Variants in ESF1 observed in about 807,000 individuals in gnomAD.
The protein encoded by ESF1 is ESF1 homolog.
In ESF1, 58 loss-of-function variants were observed where a neutral mutation model predicts 92.0. The ratio of observed to expected loss-of-function variants is 0.63; its 90% CI spans 0.51 to 0.78. The LOEUF is 0.78. Among genes scored for constraint, ESF1 ranks in the 30% least tolerant of loss-of-function variants. The pLI, the probability that ESF1 is intolerant of heterozygous loss-of-function variation, is 0.00. For synonymous variants in ESF1, 321 were observed against 313.7 expected (o/e 1.02, Z -0.24); for missense variants, 922 against 989.1 (o/e 0.93, Z 0.91).
chr20:13,782,953 C>G lies in ESF1; in HGVS notation c.188G>C (p.Ser63Thr). 6.2e-7 allele frequency: 1 copy of G among 1,614,146 alleles called. No individual in the cohort carries two copies. The change falls in exon 2 of 14, where the codon AGC becomes ACC. Residue 63 changes from serine to threonine, a missense_variant. Transcript: ENST00000617257. ...VDKRGRPISH[S>T]TTEDLKRFYD... ...AAAACGCTTCAAATCCTCTGTAGTGCTATGGCTAATGGGGCGCCCTCTTTT... is the reference window on the plus strand; with the variant it reads ...AAAACGCTTCAAATCCTCTGTAGTGGTATGGCTAATGGGGCGCCCTCTTTT...
At chr20:13,731,138 T>C (rs114879431) in intron 10 of ESF1, among the ~76,000 whole-genome samples, 2,798 of 152,136 alleles carry the variant, frequency 0.018, 92 homozygotes, top group African/African-American at 0.062. Flanking sequence ...AACTCGAAGC[T>C]CCCAGCAAAT....
chr20:13,714,769 T>G lies in ESF1; in HGVS notation c.*105A>C. The G allele has an allele frequency of 9.5e-7, 1 of 1,048,992 alleles. No homozygotes were observed. The highest frequency in any genetic ancestry group is 1.6e-5 in the African/African-American group (1 of 62,346). The allele number at this position is 1,048,992 out of a possible 1,614,324, so 65.0% of individuals were successfully genotyped here. On this transcript the variant is annotated 3_prime_UTR_variant, in exon 14 of 14. Transcript: ENST00000617257. ...TTACTATGTCCAGAAAAAGATTTTATTCATGTTCTTGAAAGATAGCTTTGT... is the reference window on the plus strand; with the variant it reads ...TTACTATGTCCAGAAAAAGATTTTAGTCATGTTCTTGAAAGATAGCTTTGT...
intron 9 of ESF1, among the ~76,000 whole-genome samples, chr20:13,756,699 T>C (rs1355657759): frequency 1.3e-5 from 2 of 152,226 alleles, no homozygotes; most frequent in African/African-American, 4.8e-5. Flanking sequence ...CACAGGTTGA[T>C]CTACAGCACA....
At chr20:13,730,138 C>A (rs540569699) in intron 10 of ESF1, among the ~76,000 whole-genome samples, 1 of 151,100 alleles carries the variant, frequency 6.6e-6, no homozygotes, top group African/African-American at 2.4e-5. Context: ...AGTGGCGTGA[C>A]CTCAGTTCAC....
At chr20:13,775,330 T>C in intron 3 of ESF1, 60 bp from the exon 4 acceptor site, 1 of 1,107,912 alleles carries the variant, frequency 9.0e-7, no homozygotes, top group East Asian at 2.4e-5. Flanking sequence ...ACTTGAAAAA[T>C]AAAGATTCTA....
At chr20:13,726,584 T>G (rs886896674) in intron 11 of ESF1, among the ~76,000 whole-genome samples, 1 of 152,224 alleles carries the variant, frequency 6.6e-6, no homozygotes, top group Non-Finnish European at 1.5e-5. Context: ...CTTCTATTTC[T>G]TTCCTTGAAA....
intron 8 of ESF1, among the ~76,000 whole-genome samples, chr20:13,764,190 A>G (rs1191261992): frequency 1.3e-5 from 2 of 152,232 alleles, no homozygotes; most frequent in Non-Finnish European, 2.9e-5. Context: ...ACTTTTATCT[A>G]TGTTTAACAT....
Position 13,714,835 on chromosome 20 carries a change from G to A in ESF1, c.*39C>T, listed in dbSNP as rs2049811901. On this transcript the variant is annotated 3_prime_UTR_variant, in exon 14 of 14. Coordinates refer to ENST00000617257, the MANE Select transcript of ESF1 (RefSeq NM_001276380.2). ...CCTCCTATTATTTTTGTACATTTTA[G>A]GAAAAGATGTATTCAGTTCAAAAAT... 3 of 1,474,948 alleles carry A rather than the reference G, an allele frequency of 2.0e-6. No homozygotes were observed. In the South Asian group the frequency reaches 4.1e-5, roughly 20 times the overall value. The allele number at this position is 1,474,948 out of a possible 1,614,324, so 91.4% of individuals were successfully genotyped here.
chr20:13,735,539 C>T (rs1331159597), intron 9 of ESF1, among the ~76,000 whole-genome samples: 1 of 152,042 alleles, frequency 6.6e-6, no homozygotes, highest in Non-Finnish European at 1.5e-5. Context: ...CTGGGATGTT[C>T]ATTTGAGAGA....
At chr20:13,737,080 GAC>G (rs141541050) in intron 9 of ESF1, among the ~76,000 whole-genome samples, 1,786 of 152,294 alleles carry the variant, frequency 0.012, 42 homozygotes, top group African/African-American at 0.041. Flanking sequence ...ATTCTTCAGA[GAC>G]AGTTTTAGCC....
chr20:13,736,784 A>G (rs1174943930), intron 9 of ESF1, among the ~76,000 whole-genome samples: 1 of 152,158 alleles, frequency 6.6e-6, no homozygotes, highest in Admixed American at 6.5e-5. Flanking sequence ...ATTCTTAGGA[A>G]ATAATATTTT....
At chr20:13,763,483 C>T (rs1435749687) in intron 8 of ESF1, among the ~76,000 whole-genome samples, 1 of 152,206 alleles carries the variant, frequency 6.6e-6, no homozygotes, top group East Asian at 1.9e-4. Flanking sequence ...CCAATCTTCA[C>T]AAGTGTACAT....
intron 9 of ESF1, among the ~76,000 whole-genome samples, chr20:13,756,484 C>T (rs1164533016): frequency 1.3e-5 from 2 of 152,194 alleles, no homozygotes; most frequent in Non-Finnish European, 2.9e-5. Flanking sequence ...TACAACACTT[C>T]CAGAAAGCAA....
At chr20:13,722,328 T>G (rs1283164589) in intron 11 of ESF1, among the ~76,000 whole-genome samples, 1 of 152,236 alleles carries the variant, frequency 6.6e-6, no homozygotes, top group South Asian at 2.1e-4. Context: ...GAATTTACTA[T>G]GATGTTAGAC....
chr20:13,718,814 AT>A, intron 12 of ESF1, 93 bp downstream of exon 12: 9 of 810,308 alleles, frequency 1.1e-5, no homozygotes, highest in African/African-American at 1.8e-5. Flanking sequence ...CACTGCTAAA[AT>A]AAGTTGTTTT....
At chr20:13,724,712 A>G (rs1457737326) in intron 11 of ESF1, among the ~76,000 whole-genome samples, 1 of 152,236 alleles carries the variant, frequency 6.6e-6, no homozygotes, top group East Asian at 1.9e-4. Context: ...GTCAGATTAA[A>G]ATGTAAAGTA....
intron 1 of ESF1, among the ~76,000 whole-genome samples, chr20:13,784,593 G>T (rs1017058367): frequency 1.3e-5 from 2 of 151,360 alleles, no homozygotes; most frequent in Admixed American, 1.3e-4. Flanking sequence ...CTCCCCTTCT[G>T]CCCGCTCTCT....
At position 13,784,864 on chromosome 20, in the gene ESF1, GTCCATCCCCACTCACCGTCCGC is replaced by G. The variant is rs1415262690; in HGVS notation, c.-50_-44+15del. On this transcript the variant is annotated splice_donor_variant and splice_donor_5th_base_variant and 5_prime_UTR_variant and intron_variant, in exon 1 of 14. Coordinates refer to ENST00000617257, the MANE Select transcript of ESF1 (RefSeq NM_001276380.2). LOFTEE classifies it low-confidence loss of function (5UTR_SPLICE). The stretch of plus-strand genomic sequence containing the variant: ...CTTCATCTCGAGCTCTTCAACTCCA[GTCCATCCCCACTCACCGTCCGC>G]AGTCCTACCAAGCCTCACGTGGGGC... 3.3e-6 allele frequency: 2 copies of G among 600,552 alleles called. No individual in the cohort carries two copies. The highest frequency in any genetic ancestry group is 3.7e-5 in the African/African-American group (2 of 53,826). The allele number at this position is 600,552 out of a possible 1,614,324, so 37.2% of individuals were successfully genotyped here. A position where few individuals can be genotyped will look rare whatever the true frequency, so the allele number is the denominator to read the frequency against.
chr20:13,764,898 C>T (rs533048549), intron 8 of ESF1, among the ~76,000 whole-genome samples: 2 of 150,756 alleles, frequency 1.3e-5, no homozygotes, highest in East Asian at 2.0e-4. Flanking sequence ...AACTGTACGC[C>T]GTTAATCATT....
Sources: allele counts gnomAD v4.1 joint callset (sites outside exome capture counted in the v4.1 genomes callset), GRCh38; gene constraint gnomAD v4.1.1; transcripts MANE v1.5; gene names NCBI Gene and HGNC (gene_info 2026-07-23, HGNC 2026-07-21).